WASHC4: variants seen among roughly 807,000 people sequenced by gnomAD.
WASHC4 encodes the protein WASH complex subunit 4.
A neutral mutation model predicts 166.6 loss-of-function variants in WASHC4; 86 were observed. The ratio of observed to expected loss-of-function variants is 0.52; its 90% CI spans 0.43 to 0.62. WASHC4 has a LOEUF of 0.62. Ranked by LOEUF, WASHC4 falls within the 20% of genes least tolerant of loss-of-function variation. The pLI, the probability that WASHC4 is intolerant of heterozygous loss-of-function variation, is 0.00. For synonymous variants in WASHC4, 446 were observed against 451.6 expected, an observed-to-expected ratio of 0.99 and a Z score of 0.16; for missense variants, 1,262 against 1,382.4, an observed-to-expected ratio of 0.91 and a Z score of 1.38.
chr12:105,127,015 G>A, intron 12 of WASHC4, 114 bp from the exon 13 acceptor site: 1 of 848,486 alleles, frequency 1.2e-6, no homozygotes, highest in Non-Finnish European at 2.0e-6. Flanking sequence ...AGTATTTTTT[G>A]TGGTTATTTT....
At chr12:105,124,246 A>G (rs1184055014) in intron 10 of WASHC4, among the ~76,000 whole-genome samples, 1 of 151,044 alleles carries the variant, frequency 6.6e-6, no homozygotes, top group African/African-American at 2.4e-5. Context: ...CAGCCTCCCG[A>G]GTAGCTGGGA....
At chr12:105,157,066 A>G (rs1029484659) in intron 27 of WASHC4, among the ~76,000 whole-genome samples, 170 bp from the exon 28 acceptor site, 5 of 152,236 alleles carry the variant, frequency 3.3e-5, no homozygotes, top group East Asian at 1.9e-4. Flanking sequence ...ATTCATATCT[A>G]AAATTCAATT....
At chr12:105,154,814 C>T (rs1884022276) in intron 26 of WASHC4, among the ~76,000 whole-genome samples, 1 of 152,168 alleles carries the variant, frequency 6.6e-6, no homozygotes, top group African/African-American at 2.4e-5. Flanking sequence ...ATACTAGGCT[C>T]TCCTATTTTG....
intron 29 of WASHC4, among the ~76,000 whole-genome samples, chr12:105,161,265 T>G (rs1223467208): frequency 6.6e-6 from 1 of 152,230 alleles, no homozygotes; most frequent in African/African-American, 2.4e-5. Context: ...AACAGCTTTT[T>G]TCCATGAATT....
At chr12:105,123,381 G>A (rs1408416781) in intron 10 of WASHC4, among the ~76,000 whole-genome samples, 2 of 152,174 alleles carry the variant, frequency 1.3e-5, no homozygotes, top group Admixed American at 1.3e-4. Flanking sequence ...TAGCCAACGT[G>A]TGAATGCAAA....
At chr12:105,131,428 G>C (rs1881810721) in intron 13 of WASHC4, among the ~76,000 whole-genome samples, 1 of 152,224 alleles carries the variant, frequency 6.6e-6, no homozygotes, top group South Asian at 2.1e-4. Context: ...TCAGTCATCT[G>C]GATGTGATCA....
In WASHC4 at chr12:105,121,213, A is replaced by T; in HGVS notation, c.665+9A>T. The T allele has an allele frequency of 7.0e-7, 1 of 1,429,652 alleles. No homozygotes were observed. Among genetic ancestry groups the T allele is most frequent in the Non-Finnish European group, 9.9e-7 (1 of 1,013,766 alleles). The allele number at this position is 1,429,652 out of a possible 1,614,324, so 88.6% of individuals were successfully genotyped here. A position where few individuals can be genotyped will look rare whatever the true frequency, so the allele number is the denominator to read the frequency against. On this transcript the variant is annotated intron_variant, in intron 9 of 32. Coordinates refer to ENST00000332180, the MANE Select transcript of WASHC4 (RefSeq NM_015275.3). ...TGGACTATGTACAAAAGGTACACCA[A>T]TTAAAATATTTTAAAATGTTTCTTA...
chr12:105,144,536 G>A, intron 21 of WASHC4, 81 bp downstream of exon 21: 1 of 1,306,502 alleles, frequency 7.7e-7, no homozygotes, highest in Non-Finnish European at 1.1e-6. Context: ...AACTTTGAGG[G>A]TATATTTAAA....
intron 25 of WASHC4, among the ~76,000 whole-genome samples, chr12:105,151,858 A>T (rs2135820011): frequency 6.6e-6 from 1 of 152,340 alleles, no homozygotes; most frequent in Non-Finnish European, 1.5e-5. Flanking sequence ...TTGCTTTCTT[A>T]TTATTACAAA....
chr12:105,127,397 C>T, intron 13 of WASHC4, 108 bp downstream of exon 13: 2 of 884,784 alleles, frequency 2.3e-6, no homozygotes, highest in Non-Finnish European at 3.6e-6. Context: ...ATTAAATGTA[C>T]TTGATAAGTA....
intron 4 of WASHC4, among the ~76,000 whole-genome samples, chr12:105,114,879 C>T (rs1240897626): frequency 1.3e-5 from 2 of 151,886 alleles, no homozygotes; most frequent in African/African-American, 4.8e-5. Flanking sequence ...ATTTTCTTCT[C>T]CTGCTTTTTG....
At chr12:105,162,267 A>G (rs1884543118) in intron 29 of WASHC4, among the ~76,000 whole-genome samples, 1 of 152,212 alleles carries the variant, frequency 6.6e-6, no homozygotes, top group South Asian at 2.1e-4. Context: ...AAGAACATGA[A>G]AAGAAATAGT....
In WASHC4 at chr12:105,126,014, A is replaced by G. The variant is rs1435088420; in HGVS notation, c.797A>G (p.Glu266Gly). The G allele has an allele frequency of 3.1e-6, 5 of 1,612,488 alleles. No homozygotes were observed. In the African/African-American group the frequency reaches 6.7e-5, roughly 22 times the overall value. Residue 266 changes from glutamate to glycine, a missense_variant, in exon 11 of 33, where the codon GAA (glutamate) becomes GGA (glycine). Transcript: ENST00000332180. Reference protein sequence around the residue: ...LDGMIFQACIEQQFDSLNGGV... With the variant: ...LDGMIFQACIGQQFDSLNGGV... Reference sequence around the variant, plus strand: ...ATGTTTCCTGTCTAGGCCTGTATAGAACAACAATTTGATTCTCTCAATGGA... The same window carrying G: ...ATGTTTCCTGTCTAGGCCTGTATAGGACAACAATTTGATTCTCTCAATGGA...
chr12:105,115,812 C>G (rs931108722), intron 6 of WASHC4, 84 bp downstream of exon 6: 5 of 848,652 alleles, frequency 5.9e-6, no homozygotes, highest in Non-Finnish European at 1.0e-5. Flanking sequence ...CTGAAACCTT[C>G]AAATACTAAA....
intron 10 of WASHC4, among the ~76,000 whole-genome samples, chr12:105,122,739 T>C (rs1481612307): frequency 2.0e-5 from 3 of 152,200 alleles, no homozygotes; most frequent in Non-Finnish European, 4.4e-5. Flanking sequence ...TGGTTTCTGA[T>C]GTTACTATTG....
chr12:105,109,094 C>G (rs1879391687), intron 1 of WASHC4, among the ~76,000 whole-genome samples: 1 of 152,168 alleles, frequency 6.6e-6, no homozygotes, highest in African/African-American at 2.4e-5. Flanking sequence ...CGAGATCGCG[C>G]CATTGCACTC....
chr12:105,118,618 C>A, intron 7 of WASHC4, 90 bp downstream of exon 7: 2 of 799,560 alleles, frequency 2.5e-6, no homozygotes, highest in South Asian at 1.4e-5. Context: ...GTTTTTCTTT[C>A]ATTCAGCATT....
In WASHC4 at chr12:105,162,549, T is replaced by C. The variant is rs376028992; in HGVS notation, c.3061-200T>C. 3.5e-4 allele frequency among the ~76,000 whole-genome samples: 53 copies of C among 152,336 alleles called. 1 individual carries two copies. Among genetic ancestry groups the C allele is most frequent in the Middle Eastern group, 3.4e-3 (1 of 294 alleles). On this transcript the variant is annotated intron_variant, in intron 29 of 32. Coordinates refer to ENST00000332180, the MANE Select transcript of WASHC4 (RefSeq NM_015275.3). ...TTAAAGGACTTGGAAAGGAGATCCATGAAGATACACTTGTATAGATTGTAT... is the reference window on the plus strand; with the variant it reads ...TTAAAGGACTTGGAAAGGAGATCCACGAAGATACACTTGTATAGATTGTAT...
In WASHC4 at chr12:105,167,691, A is replaced by G. The variant is rs980122515; in HGVS notation, c.*760A>G. The G allele has an allele frequency of 1.3e-5, 2 of 152,592 alleles. No homozygotes were observed. Among genetic ancestry groups the G allele is most frequent in the African/African-American group, 2.4e-5 (1 of 41,452 alleles). The allele number at this position is 152,592 out of a possible 1,614,324, so 9.5% of individuals were successfully genotyped here. The stretch of plus-strand genomic sequence containing the variant: ...TCTATTTTGGTTGAAGGCATGATGT[A>G]TGATGTCAGAAAAAAAATTGAATGA... On this transcript the variant is annotated 3_prime_UTR_variant, in exon 33 of 33. Transcript: ENST00000332180.
Sources: allele counts gnomAD v4.1 joint callset (sites outside exome capture counted in the v4.1 genomes callset), GRCh38; gene constraint gnomAD v4.1.1; transcripts MANE v1.5; gene names NCBI Gene and HGNC (gene_info 2026-07-23, HGNC 2026-07-21).